DOCK3: variants seen among roughly 807,000 people sequenced by gnomAD.
DOCK3 encodes dedicator of cytokinesis 3.
In DOCK3, 60 loss-of-function variants were observed where a neutral mutation model predicts 265.6. The ratio of observed to expected loss-of-function variants is 0.23; its 90% confidence interval spans 0.18 to 0.28. The LOEUF is 0.28. Ranked by LOEUF, DOCK3 falls within the 10% of genes least tolerant of loss-of-function variation. DOCK3 has a pLI of 1.00. For missense variants in DOCK3, 1,981 were observed against 2,594.3 expected (o/e 0.76, Z 5.14); for synonymous variants, 881 against 938.0 (o/e 0.94, Z 1.11).
intron 22 of DOCK3, among the ~76,000 whole-genome samples, chr3:51,254,637 CTT>C (rs1317951420): frequency 4.0e-5 from 6 of 151,560 alleles, no homozygotes; most frequent in Non-Finnish European, 7.4e-5. Context: ...TTCTTTATCT[CTT>C]TTGATCTTTG....
At chr3:51,226,141 A>C (rs2108357597) in intron 15 of DOCK3, among the ~76,000 whole-genome samples, 1 of 152,310 alleles carries the variant, frequency 6.6e-6, no homozygotes, top group South Asian at 2.1e-4. Flanking sequence ...CTAATACAGA[A>C]AGTTATATTT....
chr3:50,822,501 CT>C (rs796519905), intron 2 of DOCK3, among the ~76,000 whole-genome samples: 278 of 145,046 alleles, frequency 1.9e-3, no homozygotes, highest in Middle Eastern at 3.6e-3. Context: ...AGCTCGGATA[CT>C]TTTTTTTTTT....
chr3:51,053,811 G>C (rs1367181048), intron 5 of DOCK3, among the ~76,000 whole-genome samples: 1 of 152,022 alleles, frequency 6.6e-6, no homozygotes, highest in East Asian at 1.9e-4. Context: ...TTCCTTTGTT[G>C]TGTAACCTTG....
intron 3 of DOCK3, among the ~76,000 whole-genome samples, chr3:50,859,809 C>T (rs1212212922): frequency 6.6e-6 from 1 of 152,168 alleles, no homozygotes; most frequent in African/African-American, 2.4e-5. Flanking sequence ...TAGACTCTTG[C>T]TCAGTTGTGT....
chr3:50,683,844 C>A (rs1239304748), intron 1 of DOCK3, among the ~76,000 whole-genome samples: 6 of 117,866 alleles, frequency 5.1e-5, no homozygotes, highest in South Asian at 8.2e-4. Flanking sequence ...CCTCCCCCCC[C>A]CCCACCCACT....
chr3:50,997,544 A>G (rs2108661593), intron 5 of DOCK3, among the ~76,000 whole-genome samples: 1 of 152,296 alleles, frequency 6.6e-6, no homozygotes, highest in South Asian at 2.1e-4. Context: ...TTTTTAAAAT[A>G]AGGGTATATT....
intron 6 of DOCK3, among the ~76,000 whole-genome samples, chr3:51,065,213 T>A (rs2081547350): frequency 6.6e-6 from 1 of 152,206 alleles, no homozygotes; most frequent in African/African-American, 2.4e-5. Flanking sequence ...TATAACTTTA[T>A]AATTGATATA....
intron 23 of DOCK3, among the ~76,000 whole-genome samples, chr3:51,265,333 C>G (rs2080105561): frequency 6.6e-6 from 1 of 152,198 alleles, no homozygotes; most frequent in African/African-American, 2.4e-5. Context: ...AAGAGGGACT[C>G]CTCCCGAACT....
intron 5 of DOCK3, among the ~76,000 whole-genome samples, chr3:50,992,737 A>G (rs1216090035): frequency 1.3e-5 from 2 of 152,272 alleles, no homozygotes; most frequent in Non-Finnish European, 2.9e-5. Context: ...AGAAACAACC[A>G]TTAAAAGCTA....
intron 32 of DOCK3, among the ~76,000 whole-genome samples, chr3:51,321,197 G>A (rs1404848993): frequency 2.0e-5 from 3 of 152,180 alleles, no homozygotes; most frequent in African/African-American, 4.8e-5. Context: ...GGTCTGGAGT[G>A]GATGTCAGCA....
At chr3:50,976,393 G>A (rs1228971139) in intron 5 of DOCK3, among the ~76,000 whole-genome samples, 4 of 131,606 alleles carry the variant, frequency 3.0e-5, no homozygotes, top group Non-Finnish European at 6.4e-5. Context: ...CCTTCATTTC[G>A]TTATGTACCC....
intron 38 of DOCK3, among the ~76,000 whole-genome samples, chr3:51,345,915 A>ATAC (rs1457659863): frequency 6.6e-6 from 1 of 152,218 alleles, no homozygotes; most frequent in African/African-American, 2.4e-5. Flanking sequence ...TTTGTTTCAA[A>ATAC]TACTATGGGG....
At chr3:51,274,636 G>A (rs566365159) in intron 24 of DOCK3, among the ~76,000 whole-genome samples, 35 of 152,140 alleles carry the variant, frequency 2.3e-4, no homozygotes, top group African/African-American at 8.4e-4. Context: ...AATTATCCGA[G>A]TGTGGTGCCA....
At chr3:51,366,285 A>G (rs1259209930) in intron 49 of DOCK3, among the ~76,000 whole-genome samples, 2 of 152,106 alleles carry the variant, frequency 1.3e-5, no homozygotes, top group Non-Finnish European at 2.9e-5. Context: ...AGAGGTGTTT[A>G]TAGTATTCTC....
At chr3:51,335,265 AAAG>A (rs1290501846) in intron 35 of DOCK3, among the ~76,000 whole-genome samples, 171 of 152,232 alleles carry the variant, frequency 1.1e-3, no homozygotes, top group African/African-American at 3.4e-3. Flanking sequence ...AGCCAAAAAA[AAAG>A]AAGAAGAAGT....
intron 9 of DOCK3, among the ~76,000 whole-genome samples, chr3:51,094,371 T>C (rs549012094): frequency 6.4e-4 from 98 of 152,138 alleles, no homozygotes; most frequent in African/African-American, 2.3e-3. Flanking sequence ...TGTTTAGGGA[T>C]TCGACTTCTT....
At chr3:51,225,527 G>C in intron 14 of DOCK3, 122 bp from the exon 15 acceptor site, 2 of 1,439,662 alleles carry the variant, frequency 1.4e-6, no homozygotes, top group African/African-American at 2.9e-5. Flanking sequence ...TATTAACCAA[G>C]CTTGGAATGC....
intron 9 of DOCK3, among the ~76,000 whole-genome samples, chr3:51,091,465 C>T (rs1193617906): frequency 1.3e-5 from 2 of 152,048 alleles, no homozygotes; most frequent in South Asian, 2.1e-4. Flanking sequence ...GGGCGAATCA[C>T]GAAGTCAGGA....
intron 27 of DOCK3, among the ~76,000 whole-genome samples, chr3:51,290,076 C>T (rs2081646301): frequency 6.6e-6 from 1 of 152,192 alleles, no homozygotes; most frequent in Non-Finnish European, 1.5e-5. Flanking sequence ...AACACTTTTA[C>T]ACTGTTGGTG....
Sources: gnomAD v4.1 joint callset for allele counts (sites outside exome capture counted in the v4.1 genomes callset) on GRCh38, gnomAD v4.1.1 for gene constraint, MANE v1.5 for transcripts, NCBI Gene and HGNC (gene_info 2026-07-23, HGNC 2026-07-21) for gene names.